ASXL3: variants seen among roughly 807,000 people sequenced by gnomAD.
ASXL3 encodes the protein putative Polycomb group protein ASXL3.
In ASXL3, 34 loss-of-function variants were observed where a neutral mutation model predicts 170.6. That is an observed-to-expected ratio of 0.20 (90% confidence interval 0.15 to 0.27). The LOEUF (loss-of-function observed/expected upper bound fraction) is 0.27, where lower values mean the gene tolerates loss of function less well. ASXL3 is among the 10% of genes least tolerant of loss of function. ASXL3 has a pLI of 1.00. For missense variants in ASXL3, 2,592 were observed against 2,695.3 expected (o/e 0.96, Z 0.85); for synonymous variants, 1,002 against 989.1 (o/e 1.01, Z -0.24).
At chr18:33,736,116 C>T (rs7231638) in intron 10 of ASXL3, among the ~76,000 whole-genome samples, 3 of 152,168 alleles carry the variant, frequency 2.0e-5, no homozygotes, top group Non-Finnish European at 2.9e-5. Context: ...GGTTTATAAC[C>T]GTGAGGTTAT....
At chr18:33,595,042 C>G (rs187740842) in intron 1 of ASXL3, among the ~76,000 whole-genome samples, 93 of 152,228 alleles carry the variant, frequency 6.1e-4, no homozygotes, top group Admixed American at 1.8e-3. Context: ...GTCTACTGGT[C>G]TGTAGAAAGC....
At chr18:33,601,789 A>ATATATG (rs2065186418) in intron 1 of ASXL3, among the ~76,000 whole-genome samples, 1 of 141,298 alleles carries the variant, frequency 7.1e-6, no homozygotes, top group African/African-American at 2.6e-5. Flanking sequence ...CTGATTGTAT[A>ATATATG]TATATAGTTT....
intron 4 of ASXL3, among the ~76,000 whole-genome samples, chr18:33,652,680 A>C (rs556433479): frequency 6.6e-6 from 1 of 151,822 alleles, no homozygotes; most frequent in Middle Eastern, 3.5e-3. Context: ...ACATTTGAAG[A>C]ATTTTATGAA....
intron 2 of ASXL3, among the ~76,000 whole-genome samples, chr18:33,617,144 T>C (rs914887068): frequency 1.3e-5 from 2 of 152,198 alleles, no homozygotes; most frequent in Admixed American, 1.3e-4. Context: ...ACTACTCATA[T>C]GTGTTTTCAT....
At chr18:33,653,179 G>A (rs78710876) in intron 4 of ASXL3, among the ~76,000 whole-genome samples, 2 of 151,976 alleles carry the variant, frequency 1.3e-5, no homozygotes, top group Non-Finnish European at 2.9e-5. Context: ...TTTTACATTG[G>A]ATGTTCTGTG....
At chr18:33,624,760 G>T (rs915895682) in intron 2 of ASXL3, among the ~76,000 whole-genome samples, 1 of 152,058 alleles carries the variant, frequency 6.6e-6, no homozygotes, top group Admixed American at 6.6e-5. Context: ...AAACCAATTT[G>T]CTGTCTCTTA....
At chr18:33,641,147 C>G (rs995090535) in intron 2 of ASXL3, among the ~76,000 whole-genome samples, 3 of 152,074 alleles carry the variant, frequency 2.0e-5, no homozygotes, top group Non-Finnish European at 4.4e-5. Flanking sequence ...ATAGGCCTTT[C>G]ATTCCTTTCA....
intron 8 of ASXL3, among the ~76,000 whole-genome samples, chr18:33,691,621 T>G (rs1482577108): frequency 4.6e-5 from 7 of 152,190 alleles, no homozygotes; most frequent in Non-Finnish European, 7.4e-5. Context: ...GTTCCTATCC[T>G]GAAAGAGAGA....
chr18:33,737,485 A>ATGAT (rs1413802317), intron 10 of ASXL3, among the ~76,000 whole-genome samples: 1 of 152,162 alleles, frequency 6.6e-6, no homozygotes, highest in Non-Finnish European at 1.5e-5. Flanking sequence ...TGTAAATTAT[A>ATGAT]TGATAGAAAA....
intron 4 of ASXL3, among the ~76,000 whole-genome samples, chr18:33,653,237 G>C (rs1196734755): frequency 1.3e-5 from 2 of 152,116 alleles, no homozygotes; most frequent in Admixed American, 6.5e-5. Flanking sequence ...GTGTCAACAG[G>C]CTTCTACATG....
chr18:33,627,122 G>A (rs1008943122), intron 2 of ASXL3: 27 of 152,420 alleles, frequency 1.8e-4, no homozygotes, highest in African/African-American at 6.5e-4. Flanking sequence ...GGGTCTTCCC[G>A]TAAGGAACCC....
intron 8 of ASXL3, among the ~76,000 whole-genome samples, chr18:33,685,915 C>T (rs530622203): frequency 2.1e-4 from 32 of 152,304 alleles, no homozygotes; most frequent in African/African-American, 7.5e-4. Flanking sequence ...CTAGGCCCAC[C>T]GCCAGTATTG....
At chr18:33,581,236 T>C (rs1262284716) in intron 1 of ASXL3, among the ~76,000 whole-genome samples, 1 of 152,212 alleles carries the variant, frequency 6.6e-6, no homozygotes, top group Non-Finnish European at 1.5e-5. Flanking sequence ...TCATTTCATA[T>C]TACACAATGC....
At chr18:33,610,367 C>T (rs866299307) in intron 2 of ASXL3, among the ~76,000 whole-genome samples, 24 of 151,990 alleles carry the variant, frequency 1.6e-4, no homozygotes, top group Middle Eastern at 3.4e-3. Flanking sequence ...ATGGCCATAA[C>T]CCTCTGGTGG....
chr18:33,588,449 T>A lies in ASXL3; in HGVS notation c.54+9764T>A, dbSNP rs571470970. On this transcript the variant is annotated intron_variant, in intron 1 of 11. Transcript: ENST00000269197. ...CTGATAAATAGGGATCAATAGAGGC[T>A]GGGCAGTGAAAACACATAGACAAGG... Among the ~76,000 whole-genome samples the A allele has an allele frequency of 7.9e-5, 12 of 151,928 alleles. No individual in the cohort carries two copies. The East Asian group carries it at 2.3e-3, about 29-fold the overall frequency.
chr18:33,731,885 A>C, intron 8 of ASXL3, 83 bp from the exon 9 acceptor site: 4 of 1,015,722 alleles, frequency 3.9e-6, no homozygotes, highest in Non-Finnish European at 6.0e-6. Context: ...GCCCAACACC[A>C]CTCAATTTTT....
intron 8 of ASXL3, among the ~76,000 whole-genome samples, chr18:33,712,589 A>G (rs770834245): frequency 6.6e-6 from 1 of 152,176 alleles, no homozygotes; most frequent in Non-Finnish European, 1.5e-5. Context: ...TTTTGAAGCT[A>G]GTTTTCCTGA....
intron 2 of ASXL3, 49 bp from the exon 3 acceptor site, chr18:33,644,845 A>C: frequency 8.5e-7 from 1 of 1,183,404 alleles, no homozygotes; most frequent in Non-Finnish European, 1.2e-6. Flanking sequence ...GTTTTGCAAT[A>C]GAAGCTGTAC....
At chr18:33,616,231 C>CAAG (rs2065420211) in intron 2 of ASXL3, among the ~76,000 whole-genome samples, 2 of 152,076 alleles carry the variant, frequency 1.3e-5, no homozygotes, top group African/African-American at 4.8e-5. Context: ...CAGCACAATC[C>CAAG]TAATCGACTT....
Sources: allele counts gnomAD v4.1 joint callset (sites outside exome capture counted in the v4.1 genomes callset), GRCh38; gene constraint gnomAD v4.1.1; transcripts MANE v1.5; gene names NCBI Gene and HGNC (gene_info 2026-07-23, HGNC 2026-07-21).